Variants in CCSER1 observed in about 807,000 individuals in gnomAD.
CCSER1 encodes the protein coiled-coil serine rich protein 1.
In CCSER1, 41 loss-of-function variants were observed where a neutral mutation model predicts 82.0. That is an observed-to-expected ratio of 0.50 (90% CI 0.39 to 0.65). CCSER1 has a LOEUF of 0.65. CCSER1 is among the 30% of genes least tolerant of loss of function. The pLI is 0.00. For missense variants in CCSER1, 1,119 were observed against 1,064.2 expected, an observed-to-expected ratio of 1.05 and a Z score of -0.72; for synonymous variants, 414 against 383.9, an observed-to-expected ratio of 1.08 and a Z score of -0.92.
chr4:91,216,264 T>G (rs1481986270), intron 10 of CCSER1, among the ~76,000 whole-genome samples: 1 of 152,178 alleles, frequency 6.6e-6, no homozygotes, highest in Non-Finnish European at 1.5e-5. Flanking sequence ...CATAAAATGT[T>G]AATCACTTTC....
At chr4:90,488,313 G>T (rs1240275278) in intron 5 of CCSER1, among the ~76,000 whole-genome samples, 1 of 151,852 alleles carries the variant, frequency 6.6e-6, no homozygotes, top group Non-Finnish European at 1.5e-5. Context: ...TCAGCCTCCC[G>T]AGTAGCTGGG....
Position 90,947,233 on chromosome 4 carries a change from A to G in CCSER1, c.2172+23786A>G, listed in dbSNP as rs76343743. Among the ~76,000 whole-genome samples, 1,409 of 152,258 alleles carry G rather than the reference A, an allele frequency of 9.3e-3. 14 individuals are homozygous for G. The highest frequency in any genetic ancestry group is 0.033 in the African/African-American group (1,359 of 41,552). The stretch of plus-strand genomic sequence containing the variant: ...CCAGCAAACAGCACTAATGCCTACT[A>G]TTTTATCTGTTTTTCCATGGATTAA... On this transcript the variant is annotated intron_variant, in intron 9 of 10. Coordinates refer to ENST00000509176, the MANE Select transcript of CCSER1 (RefSeq NM_001145065.2).
At chr4:91,015,377 G>A (rs1451163046) in intron 9 of CCSER1, 3 of 151,988 alleles carry the variant, frequency 2.0e-5, no homozygotes, top group Admixed American at 6.6e-5. Flanking sequence ...GTGATAAGCT[G>A]CTATTCTGCT....
intron 4 of CCSER1, among the ~76,000 whole-genome samples, chr4:90,419,548 C>T (rs1487246533): frequency 6.6e-6 from 1 of 151,788 alleles, no homozygotes; most frequent in Non-Finnish European, 1.5e-5. Flanking sequence ...GACCTTGATG[C>T]TTCTAATTTT....
chr4:90,158,078 G>A (rs1203630596), intron 1 of CCSER1, among the ~76,000 whole-genome samples: 1 of 152,136 alleles, frequency 6.6e-6, no homozygotes, highest in East Asian at 1.9e-4. Context: ...CTGTTTGTTA[G>A]TTTCCCTTCT....
intron 9 of CCSER1, among the ~76,000 whole-genome samples, chr4:90,999,224 T>A (rs1449220209): frequency 2.0e-5 from 3 of 152,240 alleles, no homozygotes; most frequent in African/African-American, 4.8e-5. Flanking sequence ...TAGAACTATT[T>A]GTTTACTTTT....
intron 10 of CCSER1, among the ~76,000 whole-genome samples, chr4:91,338,333 C>T (rs1747461708): frequency 6.6e-6 from 1 of 151,970 alleles, no homozygotes; most frequent in Non-Finnish European, 1.5e-5. Flanking sequence ...AGCAACATAC[C>T]GTGTAAATCA....
chr4:91,208,663 G>T (rs966324414), intron 10 of CCSER1, among the ~76,000 whole-genome samples: 1 of 151,894 alleles, frequency 6.6e-6, no homozygotes, highest in Non-Finnish European at 1.5e-5. Context: ...GATTCCTCCA[G>T]CTTTGTTCTT....
chr4:91,092,441 G>A (rs770962761), intron 10 of CCSER1, among the ~76,000 whole-genome samples: 36 of 152,298 alleles, frequency 2.4e-4, no homozygotes, highest in Admixed American at 1.7e-3. Flanking sequence ...TCTCTGTGAA[G>A]TCCATTTGAA....
Position 90,576,770 on chromosome 4 carries a change from G to A in CCSER1, c.1725-51255G>A, listed in dbSNP as rs937245643. Among the ~76,000 whole-genome samples, 7 of 152,148 alleles carry A rather than the reference G, an allele frequency of 4.6e-5. No individual in the cohort carries two copies. The South Asian group carries it at 6.2e-4, about 14-fold the overall frequency. On this transcript the variant is annotated intron_variant, in intron 5 of 10. Coordinates refer to ENST00000509176, the MANE Select transcript of CCSER1 (RefSeq NM_001145065.2). ...ACAGTTGATTTATCAATTCACCTAC[G>A]AGAATTAGGTTGCTTTGTTGCTTCC...
chr4:90,155,585 A>G (rs1039012800), intron 1 of CCSER1, among the ~76,000 whole-genome samples: 6 of 152,070 alleles, frequency 3.9e-5, no homozygotes, highest in African/African-American at 1.4e-4. Context: ...CAGAGATTCA[A>G]CTTCTTCCTG....
At chr4:91,163,538 G>A (rs1011951638) in intron 10 of CCSER1, among the ~76,000 whole-genome samples, 7 of 152,148 alleles carry the variant, frequency 4.6e-5, no homozygotes, top group Admixed American at 1.3e-4. Context: ...GGGTGTTAAA[G>A]TTTCCCATTA....
Position 90,300,698 on chromosome 4 carries a change from C to T in CCSER1, c.-41-7546C>T, listed in dbSNP as rs999235960. On this transcript the variant is annotated intron_variant, in intron 1 of 10. Transcript: ENST00000509176. ...GAAAAGCGAAGGCAATTTTGCTTTC[C>T]TTTTACCTGTACAGACAGATAGACC... Among the ~76,000 whole-genome samples, 3 of 152,202 alleles carry T rather than the reference C, an allele frequency of 2.0e-5. No individual in the cohort carries two copies. The East Asian group carries it at 5.8e-4, about 29-fold the overall frequency.
chr4:90,288,789 T>G (rs566541382), intron 1 of CCSER1, among the ~76,000 whole-genome samples: 2 of 152,124 alleles, frequency 1.3e-5, no homozygotes, highest in East Asian at 3.9e-4. Flanking sequence ...GTCAGTCATC[T>G]TCCTCATGTT....
intron 10 of CCSER1, among the ~76,000 whole-genome samples, chr4:91,365,967 C>A (rs188186815): frequency 6.6e-5 from 10 of 152,302 alleles, no homozygotes; most frequent in Admixed American, 5.2e-4. Context: ...CATCACCTAT[C>A]TCAACAGTTA....
At chr4:91,409,056 C>T (rs1425549741) in intron 10 of CCSER1, among the ~76,000 whole-genome samples, 1 of 152,078 alleles carries the variant, frequency 6.6e-6, no homozygotes, top group African/African-American at 2.4e-5. Context: ...AAGCAAACAC[C>T]TGAAACTTAG....
In CCSER1 at chr4:91,599,213, G is replaced by T; in HGVS notation, c.*156G>T. ...TTTTCTTAGTCATAAACAAAGACTT[G>T]TGGGTTTTTTTTTTCCAAGAGTGAA... On this transcript the variant is annotated 3_prime_UTR_variant, in exon 11 of 11. Transcript: ENST00000509176. 3 of 956,816 alleles carry T rather than the reference G, an allele frequency of 3.1e-6. No homozygotes were observed. The allele number at this position is 956,816 out of a possible 1,614,324, so 59.3% of individuals were successfully genotyped here. A position where few individuals can be genotyped will look rare whatever the true frequency, so the allele number is the denominator to read the frequency against.
chr4:90,682,520 T>C lies in CCSER1; in HGVS notation c.1933-41394T>C, dbSNP rs74541359. On this transcript the variant is annotated intron_variant, in intron 6 of 10. Coordinates refer to ENST00000509176, the MANE Select transcript of CCSER1 (RefSeq NM_001145065.2). ...ATAACATATTAACACAAAATCTCAG[T>C]GGTTTCATATAACAAAAGTTTACTT... Among the ~76,000 whole-genome samples the C allele has an allele frequency of 6.0e-4, 91 of 152,160 alleles. 1 individual carries two copies. The East Asian group carries it at 0.014, about 24-fold the overall frequency.
At chr4:90,874,525 A>G (rs1451676519) in intron 8 of CCSER1, among the ~76,000 whole-genome samples, 1 of 151,998 alleles carries the variant, frequency 6.6e-6, no homozygotes, top group Non-Finnish European at 1.5e-5. Context: ...TCTGCATCTC[A>G]CCAGCTGCTG....
Sources: allele counts gnomAD v4.1 joint callset (sites outside exome capture counted in the v4.1 genomes callset), GRCh38; gene constraint gnomAD v4.1.1; transcripts MANE v1.5; gene names NCBI Gene and HGNC (gene_info 2026-07-23, HGNC 2026-07-21).